The following PIK3C3 variants were observed in gnomAD, a reference collection of about 807,000 sequenced individuals.
PIK3C3 encodes the protein phosphatidylinositol 3-kinase catalytic subunit type 3, also known as PI3-kinase type 3.
Under a neutral mutation model 126.1 loss-of-function variants are expected in PIK3C3, and 95 were observed. That is an observed-to-expected ratio of 0.75 (90% confidence interval 0.64 to 0.89). PIK3C3 has a LOEUF of 0.89. PIK3C3 is among the 40% of genes least tolerant of loss of function. The pLI is 0.00. For missense variants in PIK3C3, 829 were observed against 1,063.2 expected, an observed-to-expected ratio of 0.78 and a Z score of 3.06; for synonymous variants, 374 against 360.0, an observed-to-expected ratio of 1.04 and a Z score of -0.44.
intron 24 of PIK3C3, chr18:42,070,448 C>T (rs1440780763): frequency 6.6e-6 from 1 of 151,830 alleles, no homozygotes; most frequent in Non-Finnish European, 1.5e-5. Flanking sequence ...CATAAGATGC[C>T]CATTTTGCTT....
intron 2 of PIK3C3, among the ~76,000 whole-genome samples, chr18:41,958,533 T>A (rs1979909565): frequency 6.6e-6 from 1 of 152,076 alleles, no homozygotes; most frequent in African/African-American, 2.4e-5. Flanking sequence ...TGTCACCCAG[T>A]GTAGCTGGAA....
chr18:41,993,328 C>A lies in PIK3C3; in HGVS notation c.773C>A (p.Pro258His), dbSNP rs1293709556. ...TTTGAATTAGTGAAAGTTCCTGACC[C>A]CCAGATGTCTATGGTAAGTTATTGT... ...TSFELVKVPDPQMSMENLVES... is the reference protein window; with the variant it reads ...TSFELVKVPDHQMSMENLVES... Residue 258 changes from proline (P) to histidine (H), a missense_variant, in exon 7 of 25, where the codon CCC becomes CAC. Pro to His is a moderately conservative substitution (Grantham distance 77). Transcript: ENST00000262039. The A allele has an allele frequency of 6.2e-7, 1 of 1,605,042 alleles. No individual in the cohort carries two copies. The highest frequency in any genetic ancestry group is 2.2e-5 in the East Asian group (1 of 44,668).
chr18:42,032,999 A>G (rs781082065), intron 15 of PIK3C3, among the ~76,000 whole-genome samples: 14 of 152,146 alleles, frequency 9.2e-5, no homozygotes, highest in East Asian at 1.9e-4. Flanking sequence ...AAGCACTTCA[A>G]CTTCCCAGTA....
intron 24 of PIK3C3, among the ~76,000 whole-genome samples, chr18:42,078,765 G>T (rs960361029): frequency 6.6e-6 from 1 of 152,128 alleles, no homozygotes; most frequent in African/African-American, 2.4e-5. Context: ...ATCAGCACTG[G>T]CTGCTTTACC....
At chr18:42,008,607 T>C (rs917030566) in intron 10 of PIK3C3, among the ~76,000 whole-genome samples, 4 of 152,146 alleles carry the variant, frequency 2.6e-5, no homozygotes, top group African/African-American at 9.7e-5. Context: ...AGAAAAATGG[T>C]GATCACTATC....
intron 12 of PIK3C3, among the ~76,000 whole-genome samples, chr18:42,017,161 A>T (rs935448355): frequency 4.6e-5 from 7 of 152,026 alleles, no homozygotes; most frequent in African/African-American, 1.7e-4. Flanking sequence ...CATAGAGTGT[A>T]TTGTACAAGC....
chr18:42,012,484 G>A (rs373536145), intron 10 of PIK3C3, among the ~76,000 whole-genome samples: 11 of 152,254 alleles, frequency 7.2e-5, no homozygotes, highest in African/African-American at 2.2e-4. Context: ...GTCTAACAGG[G>A]TGAATGACAA....
chr18:41,987,623 A>T (rs1201626683), intron 4 of PIK3C3, among the ~76,000 whole-genome samples, 189 bp from the exon 5 acceptor site: 1 of 152,100 alleles, frequency 6.6e-6, no homozygotes, highest in Non-Finnish European at 1.5e-5. Flanking sequence ...TTTAAAAAAA[A>T]TTTAATTGTT....
intron 21 of PIK3C3, among the ~76,000 whole-genome samples, chr18:42,055,757 A>G (rs1020817665): frequency 6.6e-6 from 1 of 152,068 alleles, no homozygotes; most frequent in African/African-American, 2.4e-5. Context: ...AAACAGAATG[A>G]ATACAGTTTT....
chr18:42,018,388 A>G (rs1309353974), intron 12 of PIK3C3, among the ~76,000 whole-genome samples: 1 of 152,128 alleles, frequency 6.6e-6, no homozygotes, highest in East Asian at 1.9e-4. Context: ...CTATTGAAAT[A>G]TATACATCAC....
intron 21 of PIK3C3, among the ~76,000 whole-genome samples, chr18:42,054,126 G>GTATA (rs60224978): frequency 1.4e-4 from 10 of 69,660 alleles, no homozygotes; most frequent in Non-Finnish European, 2.3e-4. Flanking sequence ...AGAACTAATG[G>GTATA]TATATATATA....
chr18:41,962,709 T>C, intron 3 of PIK3C3, 77 bp downstream of exon 3: 2 of 1,393,048 alleles, frequency 1.4e-6, no homozygotes, highest in Non-Finnish European at 2.0e-6. Flanking sequence ...GAGGGAAGGC[T>C]TTAATAGTTT....
At chr18:41,970,628 A>G (rs763538060) in intron 4 of PIK3C3, 172 bp downstream of exon 4, 112 of 665,214 alleles carry the variant, frequency 1.7e-4, no homozygotes, top group South Asian at 3.0e-4. Flanking sequence ...CTTGGAAAGC[A>G]TACAGTCTGA....
chr18:42,050,599 A>T (rs1984759522), intron 21 of PIK3C3: 1 of 152,196 alleles, frequency 6.6e-6, no homozygotes, highest in Non-Finnish European at 1.5e-5. Flanking sequence ...GTCATTCTTA[A>T]CATGTCTCTT....
chr18:42,067,508 G>A lies in PIK3C3; in HGVS notation c.2644G>A (p.Ala882Thr). The change falls in exon 24 of 25, where the codon GCC (alanine) becomes ACC (threonine). Residue 882 changes from alanine (A) to threonine (T), a missense_variant. Ala to Thr is a moderately conservative substitution (Grantham distance 58). This residue lies in a region of PIK3C3 where 196 missense variants were observed against 312.8 expected (regional missense o/e 0.63). Transcript: ENST00000262039. ...AAVVEQIHKF[A>T]QYWRK ...AGTGGTGGAACAGATTCACAAGTTT[G>A]CCCAGGTAAGTTCCCTGAGTGCAGT... 4 of 1,614,078 alleles carry A rather than the reference G, an allele frequency of 2.5e-6. No homozygotes were observed. Among genetic ancestry groups the A allele is most frequent in the Non-Finnish European group, 3.4e-6 (4 of 1,179,976 alleles).
At chr18:42,077,170 A>T (rs1366930081) in intron 24 of PIK3C3, among the ~76,000 whole-genome samples, 6 of 152,350 alleles carry the variant, frequency 3.9e-5, no homozygotes, top group Non-Finnish European at 8.8e-5. Context: ...ATTGCTAAAA[A>T]ATGCTTAACA....
rs1821483294 is a variant in PIK3C3 at position 42,083,455 on chromosome 18, AGT to A, written c.*2320_*2321del. The A allele has an allele frequency of 6.6e-6, 1 of 152,138 alleles. No individual in the cohort carries two copies. The highest frequency in any genetic ancestry group is 2.1e-4 in the South Asian group (1 of 4,828). The allele number at this position is 152,138 out of a possible 1,614,324, so 9.4% of individuals were successfully genotyped here. A position where few individuals can be genotyped will look rare whatever the true frequency, so the allele number is the denominator to read the frequency against. ...GAGAATGTAGATGGCAGTTATTGAG[AGT>A]GGGGCTATAGGACAAAAAGAAGAAA... On this transcript the variant is annotated 3_prime_UTR_variant, in exon 25 of 25. Transcript: ENST00000262039.
intron 4 of PIK3C3, among the ~76,000 whole-genome samples, chr18:41,980,989 T>C (rs1211396423): frequency 6.6e-6 from 1 of 152,202 alleles, no homozygotes; most frequent in Non-Finnish European, 1.5e-5. Flanking sequence ...ATGCTGAAAT[T>C]ATTCAAGGCT....
intron 22 of PIK3C3, among the ~76,000 whole-genome samples, chr18:42,058,440 A>C (rs768463257): frequency 1.3e-5 from 2 of 152,218 alleles, no homozygotes; most frequent in Non-Finnish European, 2.9e-5. Context: ...ACAGTCCTGG[A>C]GACTTCCTTC....
Sources: gnomAD v4.1 joint callset for allele counts (sites outside exome capture counted in the v4.1 genomes callset) on GRCh38, gnomAD v4.1.1 for gene constraint, gnomAD v4.1.1 regional missense constraint, MANE v1.5 for transcripts, NCBI Gene and HGNC (gene_info 2026-07-23, HGNC 2026-07-21) for gene names.